GRAMD2B: variants seen among roughly 807,000 people sequenced by gnomAD.
GRAMD2B encodes GRAM domain-containing protein 2B.
A neutral mutation model predicts 59.2 loss-of-function variants in GRAMD2B; 41 were observed. The observed-to-expected ratio is 0.69, with a 90% CI of 0.54 to 0.90. The LOEUF (loss-of-function observed/expected upper bound fraction) is 0.90, where lower values mean the gene tolerates loss of function less well. Ranked by LOEUF, GRAMD2B falls within the 40% of genes least tolerant of loss-of-function variation. The pLI is 0.00. For synonymous variants in GRAMD2B, 161 were observed against 182.7 expected (o/e 0.88, Z 0.96); for missense variants, 424 against 500.5 (o/e 0.85, Z 1.46).
intron 1 of GRAMD2B, among the ~76,000 whole-genome samples, chr5:126,409,652 G>A (rs1026839231): frequency 2.0e-5 from 3 of 152,128 alleles, no homozygotes; most frequent in African/African-American, 7.2e-5. Context: ...TGTTCACTCT[G>A]ATGGTAGTGT....
chr5:126,467,413 A>C (rs1362827527), intron 2 of GRAMD2B: 1 of 152,136 alleles, frequency 6.6e-6, no homozygotes, highest in East Asian at 1.9e-4. Context: ...AAAAGACCCA[A>C]AGAAATCCAT....
chr5:126,363,105 G>A (rs1318129547), intron 1 of GRAMD2B, among the ~76,000 whole-genome samples: 2 of 152,082 alleles, frequency 1.3e-5, no homozygotes, highest in Non-Finnish European at 2.9e-5. Context: ...AATATATAAA[G>A]CATACGAGTC....
intron 1 of GRAMD2B, among the ~76,000 whole-genome samples, chr5:126,464,427 T>A (rs1434362183): frequency 6.6e-6 from 1 of 152,124 alleles, no homozygotes; most frequent in East Asian, 1.9e-4. Flanking sequence ...TCCTTCAACA[T>A]CCCTTCCTTT....
intron 1 of GRAMD2B, among the ~76,000 whole-genome samples, chr5:126,403,926 G>A (rs1758043235): frequency 6.6e-6 from 1 of 151,806 alleles, no homozygotes; most frequent in South Asian, 2.1e-4. Flanking sequence ...AGCATTAGAT[G>A]TTGAGCAGTA....
chr5:126,401,991 C>A (rs1757880619), intron 1 of GRAMD2B, among the ~76,000 whole-genome samples: 1 of 152,028 alleles, frequency 6.6e-6, no homozygotes, highest in South Asian at 2.1e-4. Flanking sequence ...GGTAGGCTTT[C>A]AAATTCTAAC....
At chr5:126,464,255 T>C (rs1767906259) in intron 1 of GRAMD2B, among the ~76,000 whole-genome samples, 1 of 152,188 alleles carries the variant, frequency 6.6e-6, no homozygotes, top group Non-Finnish European at 1.5e-5. Flanking sequence ...AGGTGGTAAA[T>C]GAAAGTGAAG....
chr5:126,493,058 A>C lies in GRAMD2B; in HGVS notation c.*102A>C. 1.2e-6 allele frequency: 1 copy of C among 818,566 alleles called. No homozygotes were observed. The highest frequency in any genetic ancestry group is 1.7e-5 in the African/African-American group (1 of 58,686). The allele number at this position is 818,566 out of a possible 1,614,324, so 50.7% of individuals were successfully genotyped here. A position where few individuals can be genotyped will look rare whatever the true frequency, so the allele number is the denominator to read the frequency against. ...AGTGCACCCTGCTGGTCAGAGGTGC[A>C]AGCAGATGAGAATCCAGACATTGCA... is the stretch of plus-strand genomic sequence containing the variant. On this transcript the variant is annotated 3_prime_UTR_variant, in exon 14 of 14. Coordinates refer to ENST00000285689, the MANE Select transcript of GRAMD2B (RefSeq NM_023927.4).
At chr5:126,476,771 C>T (rs1220298925) in intron 5 of GRAMD2B, among the ~76,000 whole-genome samples, 2 of 152,058 alleles carry the variant, frequency 1.3e-5, no homozygotes, top group African/African-American at 2.4e-5. Context: ...TTTGTTGAAC[C>T]AGAAAAGTAT....
At chr5:126,472,128 G>A in intron 3 of GRAMD2B, 110 bp from the exon 4 acceptor site, 1 of 775,866 alleles carries the variant, frequency 1.3e-6, no homozygotes, top group Non-Finnish European at 2.2e-6. Flanking sequence ...CAGTGAGAAG[G>A]AATTCCTAAA....
intron 1 of GRAMD2B, among the ~76,000 whole-genome samples, chr5:126,406,168 C>T (rs1758248588): frequency 6.6e-6 from 1 of 151,824 alleles, no homozygotes; most frequent in Non-Finnish European, 1.5e-5. Flanking sequence ...TATTATTTTA[C>T]TAACTCGGAA....
At chr5:126,406,962 A>G (rs1758317919) in intron 1 of GRAMD2B, among the ~76,000 whole-genome samples, 1 of 152,168 alleles carries the variant, frequency 6.6e-6, no homozygotes, top group Non-Finnish European at 1.5e-5. Context: ...CAAACTCTGT[A>G]TTGGATCATA....
In GRAMD2B at chr5:126,401,741, C is replaced by T. The variant is rs533550291; in HGVS notation, c.125+30174C>T. On this transcript the variant is annotated intron_variant, in intron 1 of 8. Coordinates refer to the GRAMD2B transcript ENST00000506445. Reference sequence around the variant, plus strand: ...GAATATAGATCTGCTTTACCTAGCACTTAGAAAAGTTTACTACCATATAGA... The same window carrying T: ...GAATATAGATCTGCTTTACCTAGCATTTAGAAAAGTTTACTACCATATAGA... Among the ~76,000 whole-genome samples, 11 of 152,180 alleles carry T rather than the reference C, an allele frequency of 7.2e-5. No individual in the cohort carries two copies. The East Asian group carries it at 2.1e-3, about 29-fold the overall frequency.
At chr5:126,380,606 C>A (rs965478170) in intron 1 of GRAMD2B, among the ~76,000 whole-genome samples, 2 of 151,986 alleles carry the variant, frequency 1.3e-5, no homozygotes, top group African/African-American at 4.8e-5. Context: ...TCCTTGTAGA[C>A]GTCTTTCACC....
At chr5:126,386,904 A>C (rs1030401781) in intron 1 of GRAMD2B, among the ~76,000 whole-genome samples, 1 of 152,210 alleles carries the variant, frequency 6.6e-6, no homozygotes, top group African/African-American at 2.4e-5. Flanking sequence ...CACAGTTGGA[A>C]GTCATTATCC....
intron 5 of GRAMD2B, among the ~76,000 whole-genome samples, chr5:126,473,994 G>A (rs1174257620): frequency 6.6e-6 from 1 of 152,110 alleles, no homozygotes; most frequent in African/African-American, 2.4e-5. Context: ...ACATCCTGAG[G>A]CATTAAGGAG....
exon 1 of GRAMD2B, chr5:126,360,385 C>G: frequency 6.4e-7 from 1 of 1,551,356 alleles, no homozygotes; most frequent in Non-Finnish European, 8.7e-7. Flanking sequence ...AGCAAACATT[C>G]CAAGCACAGC....
At chr5:126,440,041 C>T (rs1763044334) in intron 1 of GRAMD2B, among the ~76,000 whole-genome samples, 1 of 152,018 alleles carries the variant, frequency 6.6e-6, no homozygotes, top group Admixed American at 6.6e-5. Context: ...ATAAATTACC[C>T]AGTCTCCGGT....
intron 8 of GRAMD2B, among the ~76,000 whole-genome samples, chr5:126,481,825 A>G (rs1358479588): frequency 6.6e-6 from 1 of 152,042 alleles, no homozygotes. Flanking sequence ...AAAATTAGCC[A>G]GGCCTGGTGA....
At chr5:126,420,605 T>G (rs116717881), upstream of GRAMD2B, among the ~76,000 whole-genome samples, 500 of 152,238 alleles carry the variant, frequency 3.3e-3, 2 homozygotes, top group African/African-American at 0.011. Context: ...GCTCTTTATT[T>G]GAGCCATAAG....
Sources: allele counts gnomAD v4.1 joint callset (sites outside exome capture counted in the v4.1 genomes callset), GRCh38; gene constraint gnomAD v4.1.1; transcripts MANE v1.5; gene names NCBI Gene and HGNC (gene_info 2026-07-23, HGNC 2026-07-21).